Variants in PFKFB3 observed in about 807,000 individuals in gnomAD.
PFKFB3 encodes 6-phosphofructo-2-kinase/fructose-2,6-biphosphatase 3.
In PFKFB3, 33 loss-of-function variants were observed where a neutral mutation model predicts 68.0. That is an observed-to-expected ratio of 0.49 (90% CI 0.37 to 0.65). The LOEUF (loss-of-function observed/expected upper bound fraction) is 0.65, where lower values mean the gene tolerates loss of function less well. Among genes scored for constraint, PFKFB3 ranks in the 30% least tolerant of loss-of-function variants. The probability of loss-of-function intolerance (pLI) is 0.00; values close to 1 mark genes in which losing one functional copy is unlikely to be tolerated. For synonymous variants in PFKFB3, 315 were observed against 288.2 expected, an observed-to-expected ratio of 1.09 and a Z score of -0.94; for missense variants, 586 against 712.2, an observed-to-expected ratio of 0.82 and a Z score of 2.02.
chr10:6,246,584 C>T (rs924473397), intron 14 of PFKFB3, among the ~76,000 whole-genome samples: 6 of 151,928 alleles, frequency 3.9e-5, no homozygotes, highest in African/African-American at 4.8e-5. Context: ...TCAGGTGATC[C>T]GCCCGCGTCG....
chr10:6,170,218 A>G (rs999712905), intron 1 of PFKFB3, among the ~76,000 whole-genome samples: 3 of 152,218 alleles, frequency 2.0e-5, no homozygotes, highest in African/African-American at 7.2e-5. Flanking sequence ...TGGTGTGTCT[A>G]GAAGCAATTT....
chr10:6,215,925 G>C lies in PFKFB3; in HGVS notation c.300-200G>C, dbSNP rs1469567333. Among the ~76,000 whole-genome samples, 1 of 152,132 alleles carries C rather than the reference G, an allele frequency of 6.6e-6. No homozygotes were observed. The highest frequency in any genetic ancestry group is 2.1e-4 in the South Asian group (1 of 4,834). On this transcript the variant is annotated intron_variant, in intron 3 of 14. Transcript: ENST00000379775. This position sits in a 1 kb window ranked among gnomAD's most constrained non-coding sequence, Gnocchi z 4.3. The stretch of plus-strand genomic sequence containing the variant: ...CAGCCCGGTTTGAGCACCGCCTCCC[G>C]AGGGTTCCTGAGGCCACCCGTGTGG...
At chr10:6,324,888 G>A in the PFKFB3 span, among the ~76,000 whole-genome samples, 12 of 151,422 alleles carry the variant, frequency 7.9e-5, no homozygotes, top group East Asian at 2.3e-3. Context: ...CAACTTCTTC[G>A]AGTTTTGTTT....
At chr10:6,202,598 C>G (rs1257255589), upstream of PFKFB3, 1 of 153,582 alleles carries the variant, frequency 6.5e-6, no homozygotes, top group Non-Finnish European at 1.5e-5. Context: ...CGTCTCTGCT[C>G]TCCTCCCGGC....
At chr10:6,183,590 A>G (rs1842777608) in intron 1 of PFKFB3, among the ~76,000 whole-genome samples, 1 of 100,120 alleles carries the variant, frequency 1.0e-5, no homozygotes, top group Admixed American at 1.2e-4. Flanking sequence ...GGAGTTCGAG[A>G]CCAGCCTGGT....
the PFKFB3 span, among the ~76,000 whole-genome samples, chr10:6,267,269 T>C: frequency 1.2e-3 from 183 of 152,384 alleles, 3 homozygotes; most frequent in Non-Finnish European, 1.6e-4. Context: ...AACTCACTGC[T>C]TTTATTCACC....
the PFKFB3 span, among the ~76,000 whole-genome samples, chr10:6,299,979 T>TA: frequency 1.4e-5 from 2 of 147,360 alleles, no homozygotes; most frequent in African/African-American, 5.0e-5. Context: ...TTTTTTTTTT[T>TA]TTTTTTTTTT....
chr10:6,204,129 C>T (rs1204076495), intron 1 of PFKFB3, among the ~76,000 whole-genome samples: 1 of 152,274 alleles, frequency 6.6e-6, no homozygotes, highest in Non-Finnish European at 1.5e-5. Flanking sequence ...CCGGTCGCCG[C>T]CCCCGCCACC....
downstream of PFKFB3, among the ~76,000 whole-genome samples, chr10:6,239,766 C>T (rs1217024992): frequency 3.3e-5 from 5 of 152,104 alleles, no homozygotes; most frequent in East Asian, 1.9e-4. Context: ...CTTGAACTCC[C>T]GGGCTCAAGC....
rs1381101511 is a variant in PFKFB3 at position 6,233,988 on chromosome 10, ATCTGCCTTGTGCCTGGCAC to A, written c.*1053_*1071del. ...AGCTGCCTGCACACTGTCTTGGAGCATCTGCCTTGTGCCTGGCACTCTGCCGGTGCCTTGGGAAGGTCGG... is the reference window on the plus strand; with the variant it reads ...AGCTGCCTGCACACTGTCTTGGAGCATCTGCCGGTGCCTTGGGAAGGTCGG... On this transcript the variant is annotated 3_prime_UTR_variant, in exon 15 of 15. Transcript: ENST00000379775. The A allele has an allele frequency of 2.0e-5, 3 of 152,502 alleles. No individual in the cohort carries two copies. The highest frequency in any genetic ancestry group is 2.0e-4 in the Admixed American group (3 of 15,290). 9.4% of individuals were successfully genotyped at this position (152,502 alleles called of 1,614,324 possible). A position where few individuals can be genotyped will look rare whatever the true frequency, so the allele number is the denominator to read the frequency against.
rs149408652 is a variant in PFKFB3 at position 6,160,039 on chromosome 10, A to G, written c.16+15026A>G. Among the ~76,000 whole-genome samples, 7 of 152,016 alleles carry G rather than the reference A, an allele frequency of 4.6e-5. No individual in the cohort carries two copies. The East Asian group carries it at 1.4e-3, about 29-fold the overall frequency. On this transcript the variant is annotated intron_variant, in intron 1 of 14. Coordinates refer to the PFKFB3 transcript ENST00000379789. ...CTCTCAAAGTGCTGAGATTACAGGC[A>G]TGAGCTACCATGCCCGGCCTACGAT... is the stretch of plus-strand genomic sequence containing the variant.
chr10:6,222,483 G>A (rs1170290058), intron 10 of PFKFB3, among the ~76,000 whole-genome samples: 3 of 152,152 alleles, frequency 2.0e-5, no homozygotes, highest in Non-Finnish European at 4.4e-5. Context: ...AAGAAACCCA[G>A]ACCTGTTAGG....
chr10:6,165,737 A>T (rs1842114337), intron 1 of PFKFB3, among the ~76,000 whole-genome samples: 1 of 152,150 alleles, frequency 6.6e-6, no homozygotes. Context: ...TTGTTATATA[A>T]GTAAACTCGT....
chr10:6,263,520 T>A, the PFKFB3 span, among the ~76,000 whole-genome samples: 4 of 152,218 alleles, frequency 2.6e-5, no homozygotes, highest in Non-Finnish European at 5.9e-5. Context: ...GCAGAGGACA[T>A]CTCTACTTCG....
rs1415981858 is a variant in PFKFB3, at chr10:6,154,640, A to G, written c.16+9627A>G. 6.6e-6 allele frequency among the ~76,000 whole-genome samples: 1 copy of G among 152,148 alleles called. No individual in the cohort carries two copies. The highest frequency in any genetic ancestry group is 2.4e-5 in the African/African-American group (1 of 41,440). On this transcript the variant is annotated intron_variant, in intron 1 of 14. Coordinates refer to the PFKFB3 transcript ENST00000379789. This position sits in a 1 kb window ranked among gnomAD's most constrained non-coding sequence, Gnocchi z 4.6. ...GGGGTGGCGGGGGAGGCAGGAGACC[A>G]GGTGGGAGTCTCTGGGCCTGCTGCA...
intron 1 of PFKFB3, among the ~76,000 whole-genome samples, chr10:6,151,705 A>G (rs1841592885): frequency 6.6e-6 from 1 of 152,146 alleles, no homozygotes; most frequent in Non-Finnish European, 1.5e-5. Context: ...GGCAAACGGG[A>G]AGTCGGGAGG....
rs1429634021 is a variant in PFKFB3 at position 6,219,670 on chromosome 10, C to T, written c.600C>T (p.Pro200=). The change falls in exon 7 of 15, where the codon CCC becomes CCT. Residue 200 remains proline, a synonymous_variant. Transcript: ENST00000379775. ...RISCYEASYQ[P]LDPDKCDRDL... is the part of the protein sequence containing the mutation. ...GTTGCTATGAAGCCAGCTACCAGCCCCTCGACCCCGACAAATGCGACAGGT... is the reference window on the plus strand; with the variant it reads ...GTTGCTATGAAGCCAGCTACCAGCCTCTCGACCCCGACAAATGCGACAGGT... The T allele has an allele frequency of 1.2e-6, 2 of 1,613,858 alleles. No individual in the cohort carries two copies. Among genetic ancestry groups the T allele is most frequent in the East Asian group, 2.2e-5 (1 of 44,882 alleles).
intron 2 of PFKFB3, among the ~76,000 whole-genome samples, chr10:6,214,847 G>C (rs77821840): frequency 1.3e-5 from 2 of 152,240 alleles, no homozygotes; most frequent in Non-Finnish European, 2.9e-5. Flanking sequence ...CTCGCTTTCT[G>C]ATACCATTGG....
At chr10:6,179,549 G>T (rs896961439) in intron 1 of PFKFB3, among the ~76,000 whole-genome samples, 3 of 152,190 alleles carry the variant, frequency 2.0e-5, no homozygotes, top group African/African-American at 4.8e-5. Context: ...GAACAGAAGG[G>T]TTTCTCTCCT....
Sources: allele counts gnomAD v4.1 joint callset (sites outside exome capture counted in the v4.1 genomes callset), GRCh38; gene constraint gnomAD v4.1.1; non-coding constraint Gnocchi (gnomAD v3.1); transcripts MANE v1.5; gene names NCBI Gene and HGNC (gene_info 2026-07-23, HGNC 2026-07-21).